COLEC10: variants seen among roughly 807,000 people sequenced by gnomAD.
COLEC10 encodes collectin-10.
COLEC10 carries 22 observed loss-of-function variants against 28.4 expected under a neutral mutation model. That is an observed-to-expected ratio of 0.78 (90% confidence interval 0.55 to 1.11). The LOEUF is 1.11. Among genes scored for constraint, COLEC10 ranks in the 50% least tolerant of loss-of-function variants. The pLI, the probability that COLEC10 is intolerant of heterozygous loss-of-function variation, is 0.00. For missense variants in COLEC10, 361 were observed against 344.1 expected (o/e 1.05, Z -0.39); for synonymous variants, 125 against 116.1 (o/e 1.08, Z -0.49).
chr8:119,003,083 G>A (rs1375570037), intron 1 of COLEC10, among the ~76,000 whole-genome samples: 1 of 152,076 alleles, frequency 6.6e-6, no homozygotes, highest in Non-Finnish European at 1.5e-5. Context: ...AACTATTTAG[G>A]AACAGAAAGG....
intron 2 of COLEC10, among the ~76,000 whole-genome samples, chr8:119,035,102 A>C (rs1587010208): frequency 1.3e-5 from 2 of 152,220 alleles, no homozygotes; most frequent in East Asian, 3.8e-4. Flanking sequence ...ACACATCGTA[A>C]CAACAGCCAC....
chr8:118,964,186 C>G, the COLEC10 span, among the ~76,000 whole-genome samples: 37 of 152,240 alleles, frequency 2.4e-4, no homozygotes, highest in African/African-American at 8.4e-4. Flanking sequence ...CCTGGCACAC[C>G]TAATAGCCAA....
At chr8:119,076,135 TCTC>T (rs1262606835) in intron 1 of COLEC10, among the ~76,000 whole-genome samples, 1 of 146,944 alleles carries the variant, frequency 6.8e-6, no homozygotes, top group Non-Finnish European at 1.5e-5. Flanking sequence ...ACAGTCTTGA[TCTC>T]CTGGCCTCGT....
At chr8:119,088,427 T>C (rs1336586915) in intron 1 of COLEC10, among the ~76,000 whole-genome samples, 1 of 152,164 alleles carries the variant, frequency 6.6e-6, no homozygotes, top group East Asian at 1.9e-4. Context: ...CTTCCATACA[T>C]TGTCCTTGCT....
chr8:119,038,026 G>A (rs551021407), intron 2 of COLEC10, among the ~76,000 whole-genome samples: 1 of 152,316 alleles, frequency 6.6e-6, no homozygotes, highest in South Asian at 2.1e-4. Flanking sequence ...ATTTATTCAG[G>A]AGTTCAACAT....
At chr8:118,986,175 CT>C in the COLEC10 span, among the ~76,000 whole-genome samples, 1 of 152,026 alleles carries the variant, frequency 6.6e-6, no homozygotes, top group Admixed American at 6.6e-5. Context: ...CATGAAGTTA[CT>C]AGAAATGACA....
intron 2 of COLEC10, among the ~76,000 whole-genome samples, chr8:119,090,830 C>G (rs985731828): frequency 2.0e-5 from 3 of 152,096 alleles, no homozygotes; most frequent in South Asian, 4.1e-4. Flanking sequence ...AAACCAGAAT[C>G]GAGTCAAGAA....
At chr8:119,091,770 T>C (rs191461808) in intron 3 of COLEC10, among the ~76,000 whole-genome samples, 1 of 152,108 alleles carries the variant, frequency 6.6e-6, no homozygotes, top group African/African-American at 2.4e-5. Context: ...ATCTCACAGC[T>C]CAAAAAAAGA....
Position 119,105,963 on chromosome 8 carries a change from T to C in COLEC10, c.606T>C (p.Ser202=). The change falls in exon 6 of 6, where the codon AGT becomes AGC. Residue 202 remains serine (S), a synonymous_variant. Transcript: ENST00000332843. ...TCATCGCTGACTATGTTGCCAAGAG[T>C]GGCTTCTTTCGGGTGTTCATTGGCG... is the stretch of plus-strand genomic sequence containing the variant. ...NTLIADYVAK[S]GFFRVFIGVN... is the part of the protein sequence containing the mutation. 6.2e-7 allele frequency: 1 copy of C among 1,613,608 alleles called. No homozygotes were observed. Among genetic ancestry groups the C allele is most frequent in the South Asian group, 1.1e-5 (1 of 91,072 alleles).
At chr8:118,967,863 T>G in the COLEC10 span, among the ~76,000 whole-genome samples, 1 of 152,028 alleles carries the variant, frequency 6.6e-6, no homozygotes, top group Non-Finnish European at 1.5e-5. Context: ...ATGGCATTAG[T>G]AAAACCCTAA....
At chr8:119,037,685 G>A (rs1036975850) in intron 2 of COLEC10, among the ~76,000 whole-genome samples, 1 of 152,156 alleles carries the variant, frequency 6.6e-6, no homozygotes, top group Non-Finnish European at 1.5e-5. Flanking sequence ...TCTATGGGAG[G>A]TTTCCATTTC....
intron 2 of COLEC10, among the ~76,000 whole-genome samples, chr8:119,044,021 G>A (rs940024665): frequency 5.9e-5 from 9 of 152,306 alleles, no homozygotes; most frequent in Non-Finnish European, 1.2e-4. Flanking sequence ...AAAACAGACA[G>A]GAATGCCTGA....
At chr8:119,021,623 C>T (rs767233950) in intron 2 of COLEC10, among the ~76,000 whole-genome samples, 1 of 152,152 alleles carries the variant, frequency 6.6e-6, no homozygotes, top group African/African-American at 2.4e-5. Flanking sequence ...AGCAACACCA[C>T]TTTTTGCTCT....
upstream of COLEC10, chr8:119,067,170 T>C: frequency 9.0e-7 from 1 of 1,116,474 alleles, no homozygotes; most frequent in Non-Finnish European, 1.3e-6. Flanking sequence ...TAGCCCTTTT[T>C]GGAATGTGTG....
chr8:118,998,590 G>A (rs918616716), intron 1 of COLEC10, among the ~76,000 whole-genome samples: 4 of 151,726 alleles, frequency 2.6e-5, no homozygotes, highest in Non-Finnish European at 4.4e-5. Context: ...TGTAATCCCA[G>A]CTCGTTTGGA....
rs146887699 is a variant in COLEC10, at chr8:119,003,914, A to G, written n.123-5527A>G. ...TATACTAAATTGCCTAGCCTCTTGA[A>G]GGGCTCAATATCCCAGTGCATTTAT... is the stretch of plus-strand genomic sequence containing the variant. On this transcript the variant is annotated intron_variant and non_coding_transcript_variant, in intron 1 of 6. Transcript: ENST00000521788. Among the ~76,000 whole-genome samples, 1,410 of 152,160 alleles carry G rather than the reference A, an allele frequency of 9.3e-3. 17 individuals are homozygous for G. Among genetic ancestry groups the G allele is most frequent in the African/African-American group, 0.03 (1,262 of 41,544 alleles).
At chr8:119,057,557 C>A (rs1307421974) in intron 2 of COLEC10, among the ~76,000 whole-genome samples, 2 of 152,034 alleles carry the variant, frequency 1.3e-5, no homozygotes, top group Non-Finnish European at 2.9e-5. Context: ...TACTATTGTA[C>A]TTCTCTGTCC....
At chr8:119,098,042 T>G (rs1267164671) in intron 3 of COLEC10, among the ~76,000 whole-genome samples, 1 of 152,014 alleles carries the variant, frequency 6.6e-6, no homozygotes, top group Non-Finnish European at 1.5e-5. Context: ...GAACTGAAGC[T>G]CTGTACCCAG....
the COLEC10 span, among the ~76,000 whole-genome samples, chr8:118,959,448 C>T: frequency 8.6e-3 from 1,302 of 152,164 alleles, 16 homozygotes; most frequent in Admixed American, 0.019. Flanking sequence ...AATAAAGAAC[C>T]GAATAATAGT....
Sources: gnomAD v4.1 joint callset for allele counts (sites outside exome capture counted in the v4.1 genomes callset) on GRCh38, gnomAD v4.1.1 for gene constraint, MANE v1.5 for transcripts, NCBI Gene and HGNC (gene_info 2026-07-23, HGNC 2026-07-21) for gene names.